The following MAP7 variants were observed in gnomAD, a reference collection of about 807,000 sequenced individuals.
MAP7 encodes the protein microtubule associated protein 7.
MAP7 carries 52 observed loss-of-function variants against 94.8 expected under a neutral mutation model. The ratio of observed to expected loss-of-function variants is 0.55; its 90% CI spans 0.44 to 0.69. The LOEUF (loss-of-function observed/expected upper bound fraction) is 0.69, where lower values mean the gene tolerates loss of function less well. Among genes scored for constraint, MAP7 ranks in the 30% least tolerant of loss-of-function variants. The pLI, the probability that MAP7 is intolerant of heterozygous loss-of-function variation, is 0.00. For synonymous variants in MAP7, 350 were observed against 357.0 expected (o/e 0.98, Z 0.22); for missense variants, 940 against 964.6 (o/e 0.97, Z 0.34).
At chr6:136,528,308 G>A (rs1285988630) in intron 1 of MAP7, among the ~76,000 whole-genome samples, 4 of 152,128 alleles carry the variant, frequency 2.6e-5, no homozygotes, top group African/African-American at 4.8e-5. Context: ...AATTGTAAAC[G>A]TAACATACTT....
intron 3 of MAP7, among the ~76,000 whole-genome samples, chr6:136,391,817 C>T (rs193097267): frequency 1.2e-4 from 19 of 152,302 alleles, no homozygotes; most frequent in Non-Finnish European, 1.9e-4. Flanking sequence ...ACTTTGCTCA[C>T]GCACACTCGT....
intron 1 of MAP7, among the ~76,000 whole-genome samples, chr6:136,543,035 C>T (rs1829453116): frequency 6.6e-6 from 1 of 152,176 alleles, no homozygotes; most frequent in African/African-American, 2.4e-5. Flanking sequence ...CGTAGAGTTG[C>T]TCTGGAAAAG....
chr6:136,347,541 G>A (rs933158658), intron 16 of MAP7, among the ~76,000 whole-genome samples: 4 of 152,094 alleles, frequency 2.6e-5, no homozygotes, highest in Admixed American at 2.0e-4. Context: ...AAATAGCTGG[G>A]ACTACAGGGG....
chr6:136,407,389 T>A (rs1785959853), intron 3 of MAP7, among the ~76,000 whole-genome samples: 1 of 152,190 alleles, frequency 6.6e-6, no homozygotes, highest in East Asian at 1.9e-4. Context: ...TAGTATATAG[T>A]GAAAGGATGA....
intron 1 of MAP7, among the ~76,000 whole-genome samples, chr6:136,541,005 C>T (rs539230341): frequency 4.1e-4 from 62 of 152,292 alleles, no homozygotes; most frequent in African/African-American, 1.4e-3. Context: ...TAAATGAACC[C>T]ACCACGCCTG....
chr6:136,422,951 T>A (rs1167057863), intron 1 of MAP7, among the ~76,000 whole-genome samples: 2 of 152,214 alleles, frequency 1.3e-5, no homozygotes, highest in Non-Finnish European at 2.9e-5. Flanking sequence ...AAAGTGAGAC[T>A]TGGTACATAA....
chr6:136,385,544 T>C (rs1778977777), intron 5 of MAP7, among the ~76,000 whole-genome samples: 1 of 152,198 alleles, frequency 6.6e-6, no homozygotes, highest in Admixed American at 6.5e-5. Context: ...AACAGGTTAT[T>C]AAAAACATTT....
At chr6:136,398,180 G>T (rs971136652) in intron 3 of MAP7, among the ~76,000 whole-genome samples, 14 of 152,214 alleles carry the variant, frequency 9.2e-5, no homozygotes, top group African/African-American at 3.1e-4. Context: ...GTACTGTGGT[G>T]GATAGAGGAC....
intron 1 of MAP7, among the ~76,000 whole-genome samples, chr6:136,454,681 G>A (rs1802305786): frequency 3.3e-5 from 5 of 151,846 alleles, no homozygotes; most frequent in Admixed American, 3.3e-4. Flanking sequence ...GAGGCGGGAG[G>A]ACCACTTGAG....
intron 1 of MAP7, among the ~76,000 whole-genome samples, chr6:136,500,471 C>T (rs1363122636): frequency 6.6e-6 from 1 of 152,196 alleles, no homozygotes; most frequent in African/African-American, 2.4e-5. Flanking sequence ...CTCGCTGTTG[C>T]ATAGAATTGC....
rs1438844088 is a variant in MAP7 at position 136,343,564 on chromosome 6, G to A, written c.*664C>T. The A allele has an allele frequency of 2.0e-5, 3 of 152,304 alleles. No homozygotes were observed. The highest frequency in any genetic ancestry group is 4.4e-5 in the Non-Finnish European group (3 of 67,970). The allele number at this position is 152,304 out of a possible 1,614,324, so 9.4% of individuals were successfully genotyped here. A position where few individuals can be genotyped will look rare whatever the true frequency, so the allele number is the denominator to read the frequency against. ...ACTTTATAAATACATTATGTAAGAG[G>A]GCAGTAAATTATTTTCTTGCTTTGA... On this transcript the variant is annotated 3_prime_UTR_variant, in exon 18 of 18. Transcript: ENST00000354570.
intron 8 of MAP7, 94 bp downstream of exon 8, chr6:136,372,407 C>T (rs993802113): frequency 3.2e-5 from 47 of 1,454,438 alleles, no homozygotes; most frequent in Non-Finnish European, 4.0e-5. Flanking sequence ...GTCTCCCCCT[C>T]TTACGCCCAC....
chr6:136,372,704 A>T, intron 7 of MAP7, 79 bp from the exon 8 acceptor site: 1 of 1,587,882 alleles, frequency 6.3e-7, no homozygotes, highest in East Asian at 2.2e-5. Flanking sequence ...GCAGTTGAAG[A>T]AAGCCAAAAG....
At chr6:136,425,815 G>A (rs952765697) in intron 1 of MAP7, among the ~76,000 whole-genome samples, 4 of 152,160 alleles carry the variant, frequency 2.6e-5, no homozygotes, top group Non-Finnish European at 5.9e-5. Flanking sequence ...AATGATCAAA[G>A]CTTATGGGAG....
intron 1 of MAP7, among the ~76,000 whole-genome samples, chr6:136,520,046 G>GA (rs1275622534): frequency 2.7e-5 from 4 of 150,930 alleles, no homozygotes; most frequent in Admixed American, 1.3e-4. Flanking sequence ...AAAATTAAAA[G>GA]AAAAAAAACA....
intron 1 of MAP7, among the ~76,000 whole-genome samples, chr6:136,520,332 T>C (rs1826034819): frequency 6.6e-6 from 1 of 152,194 alleles, no homozygotes; most frequent in South Asian, 2.1e-4. Flanking sequence ...AAACACAGAA[T>C]TGTCTCTTTC....
At chr6:136,543,461 G>A (rs1384481570) in intron 1 of MAP7, among the ~76,000 whole-genome samples, 2 of 152,120 alleles carry the variant, frequency 1.3e-5, no homozygotes, top group African/African-American at 2.4e-5. Flanking sequence ...TCAGCCTGAT[G>A]GGGTTTAGTA....
At chr6:136,434,439 G>A (rs1582901100) in intron 1 of MAP7, among the ~76,000 whole-genome samples, 1 of 152,082 alleles carries the variant, frequency 6.6e-6, no homozygotes, top group East Asian at 1.9e-4. Flanking sequence ...ACCAAGCAAG[G>A]GCTTTGGTAT....
chr6:136,520,422 T>G (rs1826052487), intron 1 of MAP7, among the ~76,000 whole-genome samples: 1 of 152,228 alleles, frequency 6.6e-6, no homozygotes, highest in African/African-American at 2.4e-5. Flanking sequence ...CTTCAGAGTC[T>G]GTGAAAGTTA....
Sources: allele counts gnomAD v4.1 joint callset (sites outside exome capture counted in the v4.1 genomes callset), GRCh38; gene constraint gnomAD v4.1.1; transcripts MANE v1.5; gene names NCBI Gene and HGNC (gene_info 2026-07-23, HGNC 2026-07-21).